ST3GAL3: variants seen among roughly 807,000 people sequenced by gnomAD.
ST3GAL3 encodes ST3 beta-galactoside alpha-2,3-sialyltransferase 3, also known as CMP-N-acetylneuraminate-beta-1,4-galactoside alpha-2,3-sialyltransferase.
ST3GAL3 carries 21 observed loss-of-function variants against 50.1 expected under a neutral mutation model. That is an observed-to-expected ratio of 0.42 (90% CI 0.30 to 0.60). The LOEUF (loss-of-function observed/expected upper bound fraction) is 0.60. Among genes scored for constraint, ST3GAL3 ranks in the 20% least tolerant of loss-of-function variants. The probability of loss-of-function intolerance (pLI) is 0.19; values close to 1 mark genes in which losing one functional copy is unlikely to be tolerated. For missense variants in ST3GAL3, 353 were observed against 489.4 expected (o/e 0.72, Z 2.63); for synonymous variants, 183 against 190.0 (o/e 0.96, Z 0.30).
At chr1:43,911,973 G>GATC (rs1298586495) in intron 9 of ST3GAL3, 2 of 152,134 alleles carry the variant, frequency 1.3e-5, no homozygotes, top group Non-Finnish European at 2.9e-5. Context: ...ATATTTAACA[G>GATC]CTTGATAGCT....
chr1:43,905,933 C>CTGA (rs1222772763), intron 9 of ST3GAL3, among the ~76,000 whole-genome samples: 3 of 112,036 alleles, frequency 2.7e-5, no homozygotes, highest in African/African-American at 3.5e-5. Context: ...CACTCTTCCC[C>CTGA]CTCCTCCTCC....
chr1:43,802,141 G>A lies in ST3GAL3; in HGVS notation c.166+9992G>A, dbSNP rs557692009. 3.3e-5 allele frequency among the ~76,000 whole-genome samples: 5 copies of A among 152,084 alleles called. 1 individual carries two copies. Among genetic ancestry groups the A allele is most frequent in the South Asian group, 4.2e-4 (2 of 4,810 alleles). ...TTAATTAAAAACTAGAGCTTGTTTC[G>A]GTGTTCATAAATTTTTATTCAGGAG... is the stretch of plus-strand genomic sequence containing the variant. On this transcript the variant is annotated intron_variant, in intron 3 of 11. Transcript: ENST00000347631.
At chr1:43,728,668 T>C (rs1352116289) in intron 1 of ST3GAL3, among the ~76,000 whole-genome samples, 1 of 152,208 alleles carries the variant, frequency 6.6e-6, no homozygotes, top group African/African-American at 2.4e-5. Flanking sequence ...GGAGGATCAC[T>C]TGAGCCCAGG....
chr1:43,918,119 C>CTTTTTTTTT (rs573834844), intron 9 of ST3GAL3, among the ~76,000 whole-genome samples: 2,023 of 133,766 alleles, frequency 0.015, 101 homozygotes, highest in African/African-American at 0.056. Flanking sequence ...TTTTCTTTCT[C>CTTTTTTTTT]TTTTTTTTTT....
intron 2 of ST3GAL3, among the ~76,000 whole-genome samples, chr1:43,758,056 G>A (rs1420152346): frequency 6.6e-6 from 1 of 151,824 alleles, no homozygotes; most frequent in Non-Finnish European, 1.5e-5. Flanking sequence ...CACATGGCAA[G>A]TAAGCACTTG....
At chr1:43,733,919 C>G (rs1677035252) in intron 1 of ST3GAL3, among the ~76,000 whole-genome samples, 1 of 152,180 alleles carries the variant, frequency 6.6e-6, no homozygotes, top group African/African-American at 2.4e-5. Flanking sequence ...GCCATCCTGG[C>G]CAACATGGTG....
rs569449816 is a variant in ST3GAL3 at position 43,895,875 on chromosome 1, T to G, written c.397+1398T>G. 5.3e-5 allele frequency among the ~76,000 whole-genome samples: 8 copies of G among 152,318 alleles called. No homozygotes were observed. In the South Asian group the frequency reaches 1.2e-3, roughly 24 times the overall value. On this transcript the variant is annotated intron_variant, in intron 6 of 11. Transcript: ENST00000347631. ...CCAGGGAAGTTCGATATGGAGCCCATCAGCCAGCAAGCAGAGAGCATCTGC... is the reference window on the plus strand; with the variant it reads ...CCAGGGAAGTTCGATATGGAGCCCAGCAGCCAGCAAGCAGAGAGCATCTGC...
intron 1 of ST3GAL3, among the ~76,000 whole-genome samples, chr1:43,716,864 A>G (rs1031504614): frequency 4.6e-5 from 7 of 152,210 alleles, no homozygotes; most frequent in Non-Finnish European, 7.3e-5. Context: ...TACATCCCGT[A>G]CATCCCCTCT....
chr1:43,757,859 A>G (rs1426597601), intron 2 of ST3GAL3, among the ~76,000 whole-genome samples: 1 of 152,232 alleles, frequency 6.6e-6, no homozygotes, highest in Non-Finnish European at 1.5e-5. Context: ...GCCTGGGAGA[A>G]AATATTGTGA....
At chr1:43,819,021 A>G (rs1342470720) in intron 4 of ST3GAL3, 3 of 152,228 alleles carry the variant, frequency 2.0e-5, no homozygotes, top group South Asian at 2.1e-4. Context: ...GAAAGCATCC[A>G]TATATAGTAC....
intron 2 of ST3GAL3, among the ~76,000 whole-genome samples, chr1:43,750,872 T>A (rs1685774835): frequency 6.6e-6 from 1 of 151,746 alleles, no homozygotes; most frequent in Non-Finnish European, 1.5e-5. Context: ...TGAGTGAGAC[T>A]TTGTCTCAAG....
chr1:43,792,541 G>T (rs1012521670), intron 3 of ST3GAL3, among the ~76,000 whole-genome samples: 3 of 152,220 alleles, frequency 2.0e-5, no homozygotes, highest in African/African-American at 7.2e-5. Flanking sequence ...TGCTGGGCTG[G>T]TGGGAGCATC....
Position 43,924,027 on chromosome 1 carries a change from G to A in ST3GAL3, c.1038+3099G>A, listed in dbSNP as rs1028090179. Among the ~76,000 whole-genome samples the A allele has an allele frequency of 1.3e-4, 20 of 152,146 alleles. 1 individual carries two copies. The highest frequency in any genetic ancestry group is 4.4e-5 in the Non-Finnish European group (3 of 68,034). On this transcript the variant is annotated intron_variant, in intron 11 of 11. Coordinates refer to ENST00000347631, the MANE Select transcript of ST3GAL3 (RefSeq NM_006279.5). ...CCATTACATTGGGGGTTAGGTTTCA[G>A]TATATGAATTCATGGGGAGGACATA...
chr1:43,876,207 G>A (rs1023272458), intron 5 of ST3GAL3, among the ~76,000 whole-genome samples: 3 of 151,874 alleles, frequency 2.0e-5, no homozygotes, highest in Non-Finnish European at 2.9e-5. Flanking sequence ...CAAGCAATCC[G>A]CCCGCCTCGG....
intron 4 of ST3GAL3, among the ~76,000 whole-genome samples, chr1:43,834,303 C>T (rs148408569): frequency 7.7e-4 from 118 of 152,326 alleles, no homozygotes; most frequent in African/African-American, 2.6e-3. Context: ...CCTGCTTCCC[C>T]GCTCCGGCTA....
Position 43,728,891 on chromosome 1 carries a change from GTAT to G in ST3GAL3, c.-30-7337_-30-7335del, listed in dbSNP as rs539034157. Among the ~76,000 whole-genome samples the G allele has an allele frequency of 6.8e-4, 103 of 151,922 alleles. 2 individuals carry two copies. In the Middle Eastern group the frequency reaches 0.031, roughly 45 times the overall value. ...TACACACACACACATATATATTTCTGTATTATTGTTCGTTTTGAGACAGAGTCT... is the reference window on the plus strand; with the variant it reads ...TACACACACACACATATATATTTCTGTATTGTTCGTTTTGAGACAGAGTCT... On this transcript the variant is annotated intron_variant, in intron 1 of 11. Transcript: ENST00000347631.
intron 2 of ST3GAL3, among the ~76,000 whole-genome samples, chr1:43,770,686 A>T (rs1694817603): frequency 6.6e-6 from 1 of 152,088 alleles, no homozygotes; most frequent in Admixed American, 6.5e-5. Flanking sequence ...GATGCACATG[A>T]GACTTGGATA....
At chr1:43,754,265 T>G (rs191991055) in intron 2 of ST3GAL3, among the ~76,000 whole-genome samples, 46 of 152,312 alleles carry the variant, frequency 3.0e-4, no homozygotes, top group African/African-American at 1.1e-3. Context: ...CAGTCCCGGC[T>G]CACTGCATCC....
chr1:43,825,564 C>G (rs909973752), intron 4 of ST3GAL3, among the ~76,000 whole-genome samples: 1 of 152,148 alleles, frequency 6.6e-6, no homozygotes, highest in Non-Finnish European at 1.5e-5. Context: ...CTGCCAAACT[C>G]CAGGAGACCT....
Sources: allele counts gnomAD v4.1 joint callset (sites outside exome capture counted in the v4.1 genomes callset), GRCh38; gene constraint gnomAD v4.1.1; transcripts MANE v1.5; gene names NCBI Gene and HGNC (gene_info 2026-07-23, HGNC 2026-07-21).